The following PMFBP1 variants were observed in gnomAD, a reference collection of about 807,000 sequenced individuals.
The protein encoded by PMFBP1 is polyamine-modulated factor 1-binding protein 1.
In PMFBP1, 131 loss-of-function variants were observed where a neutral mutation model predicts 137.8. The observed-to-expected ratio is 0.95, with a 90% CI of 0.82 to 1.10. The LOEUF (loss-of-function observed/expected upper bound fraction) is 1.10, where lower values mean the gene tolerates loss of function less well. Ranked by LOEUF, PMFBP1 falls within the 50% of genes least tolerant of loss-of-function variation. The pLI, the probability that PMFBP1 is intolerant of heterozygous loss-of-function variation, is 0.00. For missense variants in PMFBP1, 1,199 were observed against 1,175.4 expected (o/e 1.02, Z -0.29); for synonymous variants, 490 against 450.4 (o/e 1.09, Z -1.11).
intron 3 of PMFBP1, chr16:72,164,466 T>G: frequency 1.4e-6 from 2 of 1,395,528 alleles, no homozygotes; most frequent in Non-Finnish European, 1.9e-6. Flanking sequence ...CACTATGATC[T>G]GATATTTTCA....
chr16:72,183,081 G>A, the PMFBP1 span, among the ~76,000 whole-genome samples: 4 of 152,290 alleles, frequency 2.6e-5, no homozygotes. Flanking sequence ...GAGGCTTGGA[G>A]GTGATCAAGA....
chr16:72,141,053 G>GC (rs552861696), intron 5 of PMFBP1, among the ~76,000 whole-genome samples: 1 of 146,608 alleles, frequency 6.8e-6, no homozygotes, highest in Non-Finnish European at 1.5e-5. Context: ...TCCTGCCTCA[G>GC]CCCCCCAAAT....
the PMFBP1 span, among the ~76,000 whole-genome samples, chr16:72,227,142 T>A: frequency 6.6e-6 from 1 of 152,168 alleles, no homozygotes; most frequent in East Asian, 1.9e-4. Context: ...TAAAGACTAC[T>A]TAGCTTAATG....
At chr16:72,228,966 C>T in the PMFBP1 span, among the ~76,000 whole-genome samples, 1 of 151,598 alleles carries the variant, frequency 6.6e-6, no homozygotes, top group Non-Finnish European at 1.5e-5. Context: ...GTAATAAGCA[C>T]AGTACCCCAT....
chr16:72,190,072 G>A, the PMFBP1 span, among the ~76,000 whole-genome samples: 1 of 152,182 alleles, frequency 6.6e-6, no homozygotes, highest in East Asian at 1.9e-4. Flanking sequence ...GTTATCTATA[G>A]CAGCAATCGG....
intron 3 of PMFBP1, among the ~76,000 whole-genome samples, chr16:72,155,432 G>A (rs2042966692): frequency 6.6e-6 from 1 of 152,080 alleles, no homozygotes; most frequent in Non-Finnish European, 1.5e-5. Context: ...TCCTTAATGT[G>A]CTATTCTGTA....
At chr16:72,200,991 T>A in the PMFBP1 span, among the ~76,000 whole-genome samples, 10 of 152,326 alleles carry the variant, frequency 6.6e-5, 1 homozygote, top group East Asian at 5.8e-4. Flanking sequence ...TGGTTATGAC[T>A]CTCTGCCTGG....
At chr16:72,141,140 T>C (rs1433875771) in intron 5 of PMFBP1, among the ~76,000 whole-genome samples, 1 of 152,100 alleles carries the variant, frequency 6.6e-6, no homozygotes, top group East Asian at 1.9e-4. Context: ...TTTCGCCACA[T>C]TGGCCAGGCA....
At chr16:72,241,434 T>C in the PMFBP1 span, among the ~76,000 whole-genome samples, 14 of 152,336 alleles carry the variant, frequency 9.2e-5, no homozygotes, top group Admixed American at 2.6e-4. Flanking sequence ...ATAATGCCAA[T>C]AATTAAAAAA....
the PMFBP1 span, among the ~76,000 whole-genome samples, chr16:72,227,144 A>G: frequency 6.6e-6 from 1 of 152,204 alleles, no homozygotes; most frequent in Non-Finnish European, 1.5e-5. Context: ...AAGACTACTT[A>G]GCTTAATGTC....
chr16:72,177,824 G>A (rs571119195), upstream of PMFBP1, among the ~76,000 whole-genome samples: 10 of 151,936 alleles, frequency 6.6e-5, no homozygotes, highest in African/African-American at 1.7e-4. Flanking sequence ...CTTGTCTTCC[G>A]TGACTTGGAC....
chr16:72,216,946 C>T, the PMFBP1 span, among the ~76,000 whole-genome samples: 4 of 152,188 alleles, frequency 2.6e-5, no homozygotes, highest in Admixed American at 2.6e-4. Context: ...GGTGCCACGC[C>T]AAGAAGAGTC....
intron 3 of PMFBP1, among the ~76,000 whole-genome samples, chr16:72,155,436 T>C (rs2042966778): frequency 6.6e-6 from 1 of 152,254 alleles, no homozygotes; most frequent in African/African-American, 2.4e-5. Context: ...TAATGTGCTA[T>C]TCTGTATTCT....
the PMFBP1 span, among the ~76,000 whole-genome samples, chr16:72,218,876 C>A: frequency 6.6e-6 from 1 of 152,006 alleles, no homozygotes; most frequent in African/African-American, 2.4e-5. Context: ...AAAAGGGCAT[C>A]GCAGGCTTAG....
At chr16:72,120,469 G>A (rs1274171278) in intron 19 of PMFBP1, among the ~76,000 whole-genome samples, 1 of 152,206 alleles carries the variant, frequency 6.6e-6, no homozygotes, top group Non-Finnish European at 1.5e-5. Context: ...GTGATCATGT[G>A]TCCTCGGGTT....
In PMFBP1 at chr16:72,125,292, C is replaced by G. The variant is rs1260136255; in HGVS notation, c.2367G>C (p.Lys789Asn). 2.5e-6 allele frequency: 4 copies of G among 1,614,166 alleles called. No individual in the cohort carries two copies. The highest frequency in any genetic ancestry group is 1.1e-5 in the South Asian group (1 of 91,082). Reference sequence around the variant, plus strand: ...GCAGTTTTCTTAATTCCGTATTGAGCTTTTTCATCCTTTCCTCATAAGCAA... The same window carrying G: ...GCAGTTTTCTTAATTCCGTATTGAGGTTTTTCATCCTTTCCTCATAAGCAA... ...EIIAYEERMK[K>N]LNTELRKLRG... is the part of the protein sequence containing the mutation. Residue 789 changes from lysine to asparagine, a missense_variant, in exon 16 of 21, where the codon AAG becomes AAC. Coordinates refer to ENST00000237353, the MANE Select transcript of PMFBP1 (RefSeq NM_031293.3).
At chr16:72,192,834 G>A in the PMFBP1 span, among the ~76,000 whole-genome samples, 1 of 149,846 alleles carries the variant, frequency 6.7e-6, no homozygotes, top group Non-Finnish European at 1.5e-5. Context: ...CTCGGGAGGC[G>A]AAAGTCGCAG....
chr16:72,135,064 C>G (rs764306754), intron 9 of PMFBP1, among the ~76,000 whole-genome samples: 2 of 152,090 alleles, frequency 1.3e-5, no homozygotes, highest in African/African-American at 4.8e-5. Context: ...ACGCAGACTC[C>G]GTGCCTTGTC....
chr16:72,134,103 C>T (rs1351461338), intron 9 of PMFBP1, among the ~76,000 whole-genome samples: 2 of 152,116 alleles, frequency 1.3e-5, no homozygotes, highest in South Asian at 2.1e-4. Context: ...TCTCTCAAGT[C>T]GCCTGCTTGG....
Sources: allele counts gnomAD v4.1 joint callset (sites outside exome capture counted in the v4.1 genomes callset), GRCh38; gene constraint gnomAD v4.1.1; transcripts MANE v1.5; gene names NCBI Gene and HGNC (gene_info 2026-07-23, HGNC 2026-07-21).